SGCD: variants seen among roughly 807,000 people sequenced by gnomAD.
SGCD encodes the protein delta-sarcoglycan.
In SGCD, 18 loss-of-function variants were observed where a neutral mutation model predicts 36.6. The observed-to-expected ratio is 0.49, with a 90% CI of 0.34 to 0.73. SGCD has a LOEUF of 0.73. Among genes scored for constraint, SGCD ranks in the 30% least tolerant of loss-of-function variants. The probability of loss-of-function intolerance (pLI) is 0.01; values close to 1 mark genes in which losing one functional copy is unlikely to be tolerated. For synonymous variants in SGCD, 133 were observed against 130.6 expected (o/e 1.02, Z -0.12); for missense variants, 387 against 346.7 (o/e 1.12, Z -0.92).
At chr5:155,823,583 C>T in the SGCD span, among the ~76,000 whole-genome samples, 5 of 152,150 alleles carry the variant, frequency 3.3e-5, no homozygotes, top group South Asian at 4.1e-4. Context: ...GTTGGGAATC[C>T]GCCCATGAGC....
At chr5:155,803,249 A>T in the SGCD span, among the ~76,000 whole-genome samples, 14 of 152,228 alleles carry the variant, frequency 9.2e-5, no homozygotes, top group African/African-American at 3.1e-4. Flanking sequence ...GCAATGGAAA[A>T]GCCGAAAGAG....
intron 3 of SGCD, among the ~76,000 whole-genome samples, chr5:156,463,616 CTAATAT>C: frequency 6.6e-6 from 1 of 152,000 alleles, no homozygotes; most frequent in South Asian, 2.1e-4. Context: ...CTTTGTTCTC[CTAATAT>C]CAAGAGCATA....
chr5:156,445,659 C>T (rs1753727505), intron 3 of SGCD, among the ~76,000 whole-genome samples: 1 of 152,154 alleles, frequency 6.6e-6, no homozygotes. Context: ...CACTTAACCT[C>T]TCTGTGCTTT....
At chr5:155,938,315 G>T (rs954882012) in intron 1 of SGCD, among the ~76,000 whole-genome samples, 1 of 152,168 alleles carries the variant, frequency 6.6e-6, no homozygotes, top group Non-Finnish European at 1.5e-5. Flanking sequence ...GAAACAAACT[G>T]GGGTCTGCCC....
upstream of SGCD, among the ~76,000 whole-genome samples, chr5:155,869,859 T>A (rs1198707205): frequency 3.3e-5 from 5 of 152,004 alleles, no homozygotes; most frequent in Non-Finnish European, 7.4e-5. Context: ...ATTAGCTGGA[T>A]GTGGCGGTGC....
chr5:156,417,111 G>A (rs892354527), intron 3 of SGCD, among the ~76,000 whole-genome samples: 1 of 152,162 alleles, frequency 6.6e-6, no homozygotes, highest in Non-Finnish European at 1.5e-5. Context: ...AGAAAAAAAT[G>A]TATTTGAGAA....
chr5:155,959,397 A>G (rs888107719), intron 1 of SGCD, among the ~76,000 whole-genome samples: 6 of 152,138 alleles, frequency 3.9e-5, no homozygotes, highest in African/African-American at 1.4e-4. Context: ...AGAACTTGCC[A>G]AGGGACATTT....
At chr5:156,508,372 T>C (rs1244038628) in intron 3 of SGCD, among the ~76,000 whole-genome samples, 4 of 152,292 alleles carry the variant, frequency 2.6e-5, no homozygotes, top group African/African-American at 9.6e-5. Flanking sequence ...TAGGGGGCAT[T>C]ACAAATTGCT....
chr5:155,962,729 G>T (rs1464925601), intron 1 of SGCD, among the ~76,000 whole-genome samples: 4 of 152,096 alleles, frequency 2.6e-5, no homozygotes, highest in African/African-American at 9.7e-5. Context: ...AGCTTGCACT[G>T]TGTGCACAAA....
intron 3 of SGCD, among the ~76,000 whole-genome samples, chr5:156,396,415 T>TA (rs1428290505): frequency 6.6e-6 from 1 of 152,152 alleles, no homozygotes; most frequent in Non-Finnish European, 1.5e-5. Context: ...ATATTTTATT[T>TA]ATATATGTAG....
intron 3 of SGCD, among the ~76,000 whole-genome samples, chr5:156,129,651 C>A (rs923652422): frequency 4.6e-5 from 7 of 152,200 alleles, no homozygotes; most frequent in Non-Finnish European, 5.9e-5. Flanking sequence ...ACTCTCCACC[C>A]TCAAGTACAC....
chr5:156,246,377 T>G (rs1765439135), intron 3 of SGCD, among the ~76,000 whole-genome samples: 1 of 152,076 alleles, frequency 6.6e-6, no homozygotes, highest in Non-Finnish European at 1.5e-5. Flanking sequence ...CTTAAAACAG[T>G]AAAATTCTAT....
rs535098783 is a variant in SGCD, at chr5:156,444,064, T to TTCTCTCTCTCTCTC, written c.193-64498_193-64485dup. Among the ~76,000 whole-genome samples, 15 of 34,496 alleles carry TTCTCTCTCTCTCTC rather than the reference T, an allele frequency of 4.3e-4. 1 individual carries two copies. The highest frequency in any genetic ancestry group is 2.7e-3 in the East Asian group (3 of 1,108). 22.6% of individuals were successfully genotyped at this position (34,496 alleles called of 152,430 possible). Reference sequence around the variant, plus strand: ...CACGCTTTGGAGACTCTTTCTCTCCTTCTCTCTCTCTCTCTCTCTCTCTCT... The same window carrying TTCTCTCTCTCTCTC: ...CACGCTTTGGAGACTCTTTCTCTCCTTCTCTCTCTCTCTCTCTCTCTCTCTCTCTCTCTCTCTCT... On this transcript the variant is annotated intron_variant, in intron 3 of 8. Transcript: ENST00000337851.
intron 3 of SGCD, among the ~76,000 whole-genome samples, chr5:156,226,752 T>C (rs1270778090): frequency 6.6e-6 from 1 of 152,102 alleles, no homozygotes; most frequent in Non-Finnish European, 1.5e-5. Flanking sequence ...CATCTACATC[T>C]ACTATTTTTA....
intron 3 of SGCD, among the ~76,000 whole-genome samples, chr5:156,430,317 T>A (rs1203140610): frequency 6.6e-6 from 1 of 152,142 alleles, no homozygotes. Context: ...ACTTTCCACT[T>A]TATTTTTTAT....
chr5:155,872,738 T>C (rs1755681477), intron 1 of SGCD, among the ~76,000 whole-genome samples: 5 of 152,206 alleles, frequency 3.3e-5, no homozygotes. Flanking sequence ...AGCTGTGAAA[T>C]ACTTTTCCTG....
intron 7 of SGCD, among the ~76,000 whole-genome samples, chr5:156,712,634 A>G (rs1189187757): frequency 2.0e-5 from 3 of 152,190 alleles, no homozygotes; most frequent in African/African-American, 7.2e-5. Context: ...AGGAAACACT[A>G]GAGGCAAGGT....
chr5:156,268,106 C>A (rs936807908), intron 3 of SGCD, among the ~76,000 whole-genome samples: 1 of 152,128 alleles, frequency 6.6e-6, no homozygotes, highest in East Asian at 1.9e-4. Context: ...TCTGTTCTTG[C>A]GTTAGTTTGC....
At chr5:156,626,974 T>C (rs929924308) in intron 6 of SGCD, among the ~76,000 whole-genome samples, 1 of 152,192 alleles carries the variant, frequency 6.6e-6, no homozygotes, top group African/African-American at 2.4e-5. Flanking sequence ...TGTGATCTCA[T>C]AGTTTGATGT....
Sources: gnomAD v4.1 joint callset for allele counts (sites outside exome capture counted in the v4.1 genomes callset) on GRCh38, gnomAD v4.1.1 for gene constraint, MANE v1.5 for transcripts, NCBI Gene and HGNC (gene_info 2026-07-23, HGNC 2026-07-21) for gene names.